The following CYFIP1 variants were observed in gnomAD, a reference collection of about 807,000 sequenced individuals.
CYFIP1 encodes the protein cytoplasmic FMR1-interacting protein 1.
CYFIP1 carries 58 observed loss-of-function variants against 163.5 expected under a neutral mutation model. That is an observed-to-expected ratio of 0.35 (90% CI 0.29 to 0.44). CYFIP1 has a LOEUF of 0.44. Ranked by LOEUF, CYFIP1 falls within the 20% of genes least tolerant of loss-of-function variation. The pLI is 1.00. For synonymous variants in CYFIP1, 663 were observed against 660.7 expected (o/e 1.00, Z -0.05); for missense variants, 1,338 against 1,653.8 (o/e 0.81, Z 3.31).
intron 22 of CYFIP1, among the ~76,000 whole-genome samples, chr15:22,893,841 T>C (rs1166241914): frequency 6.6e-6 from 1 of 152,202 alleles, no homozygotes; most frequent in Admixed American, 6.5e-5. Flanking sequence ...TCTGTCTGCA[T>C]GTCTCTGTGC....
intron 6 of CYFIP1, 50 bp from the exon 7 acceptor site, chr15:22,939,557 TAAAAAAAAAA>T (rs56068008): frequency 4.5e-5 from 13 of 286,622 alleles, no homozygotes; most frequent in Non-Finnish European, 6.2e-5. Context: ...GTGCCACATT[TAAAAAAAAAA>T]AAAAAAAAAA....
At chr15:22,880,193 C>A in intron 25 of CYFIP1, 150 bp from the exon 26 acceptor site, 1 of 1,113,032 alleles carries the variant, frequency 9.0e-7, no homozygotes, top group Non-Finnish European at 1.3e-6. Context: ...CAGCATCTTC[C>A]CTGCAGCGGT....
At chr15:22,948,112 G>T in intron 1 of CYFIP1, 1 of 387,632 alleles carries the variant, frequency 2.6e-6, no homozygotes, top group Non-Finnish European at 3.5e-6. Flanking sequence ...ACTGGCGCAG[G>T]CATGGAGGTG....
chr15:22,964,164 T>TA (rs1447255196), intron 1 of CYFIP1, among the ~76,000 whole-genome samples: 2 of 150,968 alleles, frequency 1.3e-5, no homozygotes, highest in Non-Finnish European at 3.0e-5. Context: ...ATACTTTTTT[T>TA]TTTTTTTTCC....
At position 22,917,718 on chromosome 15, in the gene CYFIP1, C is replaced by G. The variant is rs1015575943; in HGVS notation, c.1674+70G>C. 8.7e-6 allele frequency: 13 copies of G among 1,498,808 alleles called. No homozygotes were observed. Among genetic ancestry groups the G allele is most frequent in the South Asian group, 5.3e-5 (4 of 74,936 alleles). The allele number at this position is 1,498,808 out of a possible 1,614,324, so 92.8% of individuals were successfully genotyped here. ...CTCATTTAACCCGGGCCTCACCAGC[C>G]CCACCCGCTCACAGCTCAGGGTGGG... On this transcript the variant is annotated intron_variant, in intron 15 of 30. Coordinates refer to ENST00000617928, the MANE Select transcript of CYFIP1 (RefSeq NM_014608.6). The surrounding 1 kb of genome is among the most constrained non-coding windows in gnomAD (Gnocchi z 4.2).
Position 22,867,446 on chromosome 15 carries a change from C to G in CYFIP1, c.*2582G>C, listed in dbSNP as rs988748643. ...CGATTTCTCAGGTTGAGATGATCAC[C>G]GTGAATCCGGCTTCCTCTGAGCATT... On this transcript the variant is annotated 3_prime_UTR_variant, in exon 31 of 31. Transcript: ENST00000617928. The G allele has an allele frequency of 2.8e-6, 1 of 353,488 alleles. No homozygotes were observed. Among genetic ancestry groups the G allele is most frequent in the Non-Finnish European group, 5.0e-6 (1 of 199,048 alleles). 21.9% of individuals were successfully genotyped at this position (353,488 alleles called of 1,614,324 possible). A position where few individuals can be genotyped will look rare whatever the true frequency, so the allele number is the denominator to read the frequency against.
At chr15:22,979,127 G>A (rs528953855) in intron 1 of CYFIP1, among the ~76,000 whole-genome samples, 3 of 152,272 alleles carry the variant, frequency 2.0e-5, no homozygotes, top group African/African-American at 4.8e-5. Flanking sequence ...GAGGGCACCG[G>A]CACTATATCC....
At chr15:22,894,278 CTTTT>C (rs57603773) in intron 22 of CYFIP1, among the ~76,000 whole-genome samples, 8 of 65,464 alleles carry the variant, frequency 1.2e-4, no homozygotes, top group Non-Finnish European at 5.6e-5. Context: ...GCAGACTTTT[CTTTT>C]TTTTTTTTTT....
At chr15:22,894,588 C>A (rs1417195059) in intron 22 of CYFIP1, among the ~76,000 whole-genome samples, 3 of 151,656 alleles carry the variant, frequency 2.0e-5, no homozygotes, top group Non-Finnish European at 4.4e-5. Context: ...CCACGCCCGG[C>A]CTAGAGGAGG....
At chr15:22,948,277 A>C (rs1220569410) in intron 1 of CYFIP1, among the ~76,000 whole-genome samples, 1 of 152,136 alleles carries the variant, frequency 6.6e-6, no homozygotes, top group Non-Finnish European at 1.5e-5. Flanking sequence ...CCCATCCTCA[A>C]GCTGCAGGGG....
At chr15:22,880,949 G>A (rs2059744063) in intron 25 of CYFIP1, among the ~76,000 whole-genome samples, 1 of 152,136 alleles carries the variant, frequency 6.6e-6, no homozygotes, top group Non-Finnish European at 1.5e-5. Context: ...TCCATCTCTA[G>A]TCACGACATA....
chr15:22,939,323 G>T lies in CYFIP1; in HGVS notation c.667-3C>A, dbSNP rs1328250874. ...ACTTCGAGCTGCTGCTGCAGAGACT[G>T]AAACACAGAGCAAGAGACTCATGCA... On this transcript the variant is annotated splice_polypyrimidine_tract_variant and splice_region_variant and intron_variant, in intron 7 of 30. Transcript: ENST00000617928. 1.2e-6 allele frequency: 2 copies of T among 1,614,042 alleles called. No homozygotes were observed. Among genetic ancestry groups the T allele is most frequent in the Non-Finnish European group, 1.7e-6 (2 of 1,180,012 alleles).
At chr15:22,961,962 G>C (rs1184769552) in intron 1 of CYFIP1, among the ~76,000 whole-genome samples, 2 of 152,048 alleles carry the variant, frequency 1.3e-5, no homozygotes, top group Non-Finnish European at 2.9e-5. Flanking sequence ...AATTTACCAA[G>C]GAGGAAGAAG....
At chr15:22,894,278 C>CTTTTTTT (rs57603773) in intron 22 of CYFIP1, among the ~76,000 whole-genome samples, 2 of 65,456 alleles carry the variant, frequency 3.1e-5, no homozygotes, top group African/African-American at 6.1e-5. Flanking sequence ...GCAGACTTTT[C>CTTTTTTT]TTTTTTTTTT....
chr15:22,966,373 CAA>C (rs35976278), intron 1 of CYFIP1, among the ~76,000 whole-genome samples: 13 of 96,866 alleles, frequency 1.3e-4, no homozygotes, highest in Admixed American at 2.3e-4. Flanking sequence ...AACTCCGTCT[CAA>C]AAAAAAAAAA....
At chr15:22,923,488 GA>G (rs2061254887) in intron 13 of CYFIP1, among the ~76,000 whole-genome samples, 1 of 152,144 alleles carries the variant, frequency 6.6e-6, no homozygotes, top group Admixed American at 6.5e-5. Context: ...TGGATGTGGG[GA>G]AACTGGAGCC....
At chr15:22,900,631 A>C (rs1381614799) in intron 22 of CYFIP1, among the ~76,000 whole-genome samples, 2 of 151,228 alleles carry the variant, frequency 1.3e-5, no homozygotes, top group African/African-American at 2.4e-5. Context: ...TTGGTCTCCT[A>C]CCTCAGGATC....
At chr15:22,871,789 T>C (rs996077602) in intron 30 of CYFIP1, among the ~76,000 whole-genome samples, 9 of 152,178 alleles carry the variant, frequency 5.9e-5, no homozygotes, top group Non-Finnish European at 1.3e-4. Context: ...GACCCAGTCC[T>C]ACAGCTGCAA....
chr15:22,936,858 T>C (rs1176281484), intron 9 of CYFIP1, among the ~76,000 whole-genome samples: 1 of 152,266 alleles, frequency 6.6e-6, no homozygotes, highest in East Asian at 1.9e-4. Context: ...TGACAGCAGC[T>C]GGACGCAGAA....
Sources: allele counts gnomAD v4.1 joint callset (sites outside exome capture counted in the v4.1 genomes callset), GRCh38; gene constraint gnomAD v4.1.1; non-coding constraint Gnocchi (gnomAD v3.1); transcripts MANE v1.5; gene names NCBI Gene and HGNC (gene_info 2026-07-23, HGNC 2026-07-21).